Variants in PTN observed in about 807,000 individuals in gnomAD.
The protein encoded by PTN is pleiotrophin.
In PTN, 18 loss-of-function variants were observed where a neutral mutation model predicts 24.1. That is an observed-to-expected ratio of 0.75 (90% CI 0.52 to 1.11). The LOEUF (loss-of-function observed/expected upper bound fraction) is 1.11. Among genes scored for constraint, PTN ranks in the 50% least tolerant of loss-of-function variants. PTN has a pLI of 0.00. For synonymous variants in PTN, 78 were observed against 68.6 expected, an observed-to-expected ratio of 1.14 and a Z score of -0.67; for missense variants, 163 against 198.8, an observed-to-expected ratio of 0.82 and a Z score of 1.08.
chr7:137,266,542 T>A (rs2128873566), intron 1 of PTN, among the ~76,000 whole-genome samples: 1 of 152,200 alleles, frequency 6.6e-6, no homozygotes, highest in Admixed American at 6.5e-5. Flanking sequence ...TACAAACATT[T>A]TTTTTTAAAA....
At chr7:137,293,059 C>T (rs1809665879) in intron 1 of PTN, among the ~76,000 whole-genome samples, 2 of 152,110 alleles carry the variant, frequency 1.3e-5, no homozygotes, top group African/African-American at 2.4e-5. Context: ...TACATAGTTG[C>T]CATCTCATGA....
Position 137,278,798 on chromosome 7 carries a change from G to A in PTN, c.-1-23824C>T, listed in dbSNP as rs146841586. Among the ~76,000 whole-genome samples, 763 of 151,674 alleles carry A rather than the reference G, an allele frequency of 5.0e-3. 2 individuals are homozygous for A. The highest frequency in any genetic ancestry group is 8.5e-3 in the Non-Finnish European group (574 of 67,854). ...CTACTAAAATTACAAAAACTTAGCC[G>A]GGCATGGTGGCGCACACCTGTAATC... On this transcript the variant is annotated intron_variant, in intron 1 of 4. Coordinates refer to ENST00000348225, the MANE Select transcript of PTN (RefSeq NM_002825.7).
chr7:137,324,433 A>AAAAAAAAAAAAAAAAAATATATAT, intron 1 of PTN, among the ~76,000 whole-genome samples: 31 of 88,748 alleles, frequency 3.5e-4, no homozygotes, highest in African/African-American at 2.1e-3. Flanking sequence ...AAAAAAAAAA[A>AAAAAAAAAAAAAAAAAATATATAT]ATATATATAT....
At chr7:137,250,955 C>T (rs1015508705) in intron 4 of PTN, among the ~76,000 whole-genome samples, 1 of 152,190 alleles carries the variant, frequency 6.6e-6, no homozygotes, top group Non-Finnish European at 1.5e-5. Flanking sequence ...GGTCATCATA[C>T]AACTGTCTTT....
In PTN at chr7:137,251,538, G is replaced by A. The variant is rs867209534; in HGVS notation, c.290-147C>T. 4.5e-5 allele frequency: 40 copies of A among 883,106 alleles called. No homozygotes were observed. In the Middle Eastern group the frequency reaches 1.1e-3, roughly 23 times the overall value. 54.7% of individuals were successfully genotyped at this position (883,106 alleles called of 1,614,324 possible). ...ATAAGAAATAATACAGAGTGTATGCGTGTGTATTGATTTCTGTTCAATTCT... is the reference window on the plus strand; with the variant it reads ...ATAAGAAATAATACAGAGTGTATGCATGTGTATTGATTTCTGTTCAATTCT... On this transcript the variant is annotated intron_variant, in intron 3 of 4. Coordinates refer to ENST00000348225, the MANE Select transcript of PTN (RefSeq NM_002825.7).
intron 1 of PTN, among the ~76,000 whole-genome samples, chr7:137,261,654 C>T (rs1428958496): frequency 6.6e-6 from 1 of 152,160 alleles, no homozygotes; most frequent in African/African-American, 2.4e-5. Context: ...TTTTACGTGA[C>T]ATGGGAGCAT....
At chr7:137,343,332 C>T (rs1337510778) in intron 1 of PTN, 107 bp downstream of exon 1, 1 of 386,148 alleles carries the variant, frequency 2.6e-6, no homozygotes, top group Non-Finnish European at 5.2e-6. Context: ...CAGGCAGCCT[C>T]TCTCACCCCT....
At chr7:137,234,785 G>T (rs1200592691) in intron 4 of PTN, among the ~76,000 whole-genome samples, 1 of 152,026 alleles carries the variant, frequency 6.6e-6, no homozygotes, top group Non-Finnish European at 1.5e-5. Flanking sequence ...CAGATGGCCT[G>T]CTGTGTATAC....
intron 1 of PTN, among the ~76,000 whole-genome samples, chr7:137,341,355 A>G (rs1810530681): frequency 6.6e-6 from 1 of 151,626 alleles, no homozygotes; most frequent in Non-Finnish European, 1.5e-5. Flanking sequence ...AGATCTTGTT[A>G]TGTGTTGCTA....
At chr7:137,258,822 G>A (rs986500315) in intron 1 of PTN, among the ~76,000 whole-genome samples, 2 of 152,052 alleles carry the variant, frequency 1.3e-5, no homozygotes, top group African/African-American at 2.4e-5. Flanking sequence ...AACCCTACCT[G>A]TTCTCCAACA....
At chr7:137,278,833 C>G (rs1025345657) in intron 1 of PTN, among the ~76,000 whole-genome samples, 2 of 151,600 alleles carry the variant, frequency 1.3e-5, no homozygotes, top group African/African-American at 4.8e-5. Flanking sequence ...CCCAGCTACT[C>G]AGGAGGCAGA....
At chr7:137,255,118 A>C (rs1453378696) in intron 1 of PTN, 144 bp from the exon 2 acceptor site, 2 of 514,932 alleles carry the variant, frequency 3.9e-6, no homozygotes, top group African/African-American at 3.8e-5. Flanking sequence ...TCTTGGGTAG[A>C]ATTTTATCTA....
intron 1 of PTN, among the ~76,000 whole-genome samples, chr7:137,278,977 ATAAT>A (rs1809419403): frequency 6.8e-6 from 1 of 147,490 alleles, no homozygotes. Flanking sequence ...AATAATAATA[ATAAT>A]AAAATAAAGA....
chr7:137,235,478 C>G (rs1421874665), intron 4 of PTN, among the ~76,000 whole-genome samples: 1 of 152,152 alleles, frequency 6.6e-6, no homozygotes, highest in African/African-American at 2.4e-5. Flanking sequence ...TGGCAAAATA[C>G]AGAAACATAT....
intron 1 of PTN, among the ~76,000 whole-genome samples, chr7:137,315,763 G>A (rs929449987): frequency 8.5e-5 from 13 of 152,204 alleles, no homozygotes; most frequent in South Asian, 6.2e-4. Context: ...ATAGAAGGGC[G>A]GCTTTGGAGC....
chr7:137,314,735 C>T lies in PTN; in HGVS notation c.-2+28704G>A, dbSNP rs553180129. Among the ~76,000 whole-genome samples the T allele has an allele frequency of 2.0e-5, 3 of 151,798 alleles. No individual in the cohort carries two copies. In the East Asian group the frequency reaches 5.9e-4, roughly 30 times the overall value. On this transcript the variant is annotated intron_variant, in intron 1 of 4. Coordinates refer to ENST00000348225, the MANE Select transcript of PTN (RefSeq NM_002825.7). ...TCAGCTTCCCAAGTAGCTGGGATTA[C>T]AGGTGCCCACCACCGCACTCAGCTA...
chr7:137,342,527 C>CTG (rs4032309), intron 1 of PTN, among the ~76,000 whole-genome samples: 27,836 of 150,430 alleles, frequency 0.19, 2,648 homozygotes, highest in African/African-American at 0.25. Flanking sequence ...GTGTGTGTTC[C>CTG]TGTGTGTGTG....
At chr7:137,316,388 A>G (rs1166328304) in intron 1 of PTN, among the ~76,000 whole-genome samples, 1 of 152,172 alleles carries the variant, frequency 6.6e-6, no homozygotes, top group African/African-American at 2.4e-5. Context: ...TCTTGAGGGC[A>G]TCGTCCATAT....
intron 1 of PTN, among the ~76,000 whole-genome samples, chr7:137,270,870 C>T (rs1400374144): frequency 1.3e-5 from 2 of 152,194 alleles, no homozygotes; most frequent in Non-Finnish European, 2.9e-5. Flanking sequence ...TTATGGGTGG[C>T]TTCATCCTAT....
Sources: gnomAD v4.1 joint callset for allele counts (sites outside exome capture counted in the v4.1 genomes callset) on GRCh38, gnomAD v4.1.1 for gene constraint, MANE v1.5 for transcripts, NCBI Gene and HGNC (gene_info 2026-07-23, HGNC 2026-07-21) for gene names.